The following GOLM2 variants were observed in gnomAD, a reference collection of about 807,000 sequenced individuals.
The protein encoded by GOLM2 is golgi membrane protein 2, also known as protein GOLM2.
In GOLM2, 26 loss-of-function variants were observed where a neutral mutation model predicts 55.9. The ratio of observed to expected loss-of-function variants is 0.47; its 90% CI spans 0.34 to 0.65. The LOEUF (loss-of-function observed/expected upper bound fraction) is 0.65. GOLM2 is among the 30% of genes least tolerant of loss of function. GOLM2 has a pLI of 0.01. For missense variants in GOLM2, 486 were observed against 531.8 expected (o/e 0.91, Z 0.85); for synonymous variants, 165 against 194.6 (o/e 0.85, Z 1.27).
intron 6 of GOLM2, among the ~76,000 whole-genome samples, chr15:44,363,691 G>T (rs1396036937): frequency 6.6e-6 from 1 of 151,948 alleles, no homozygotes; most frequent in Non-Finnish European, 1.5e-5. Context: ...TCCCATTACT[G>T]GGTATATACC....
rs546794244 is a variant in GOLM2, at chr15:44,371,099, C to T, written c.803-8591C>T. 1.5e-4 allele frequency among the ~76,000 whole-genome samples: 23 copies of T among 152,300 alleles called. No homozygotes were observed. In the East Asian group the frequency reaches 3.5e-3, roughly 23 times the overall value. On this transcript the variant is annotated intron_variant, in intron 6 of 9. Coordinates refer to ENST00000299957, the MANE Select transcript of GOLM2 (RefSeq NM_138423.4). Reference sequence around the variant, plus strand: ...AATCCCCATATAGATTTCTGCTCTCCGTTTCATCCCCCACAGGTTCCTCCT... The same window carrying T: ...AATCCCCATATAGATTTCTGCTCTCTGTTTCATCCCCCACAGGTTCCTCCT...
intron 6 of GOLM2, among the ~76,000 whole-genome samples, chr15:44,366,329 C>G (rs1018587381): frequency 8.0e-5 from 12 of 149,738 alleles, no homozygotes; most frequent in African/African-American, 2.5e-4. Context: ...ACAAACAAAC[C>G]ACAAAACTGC....
At chr15:44,381,093 A>G (rs1421391780) in intron 8 of GOLM2, 117 bp downstream of exon 8, 1 of 586,106 alleles carries the variant, frequency 1.7e-6, no homozygotes, top group Non-Finnish European at 2.6e-6. Flanking sequence ...ATATTTAAAG[A>G]GAAGGTATGA....
intron 6 of GOLM2, among the ~76,000 whole-genome samples, chr15:44,350,556 A>G (rs968213601): frequency 6.6e-6 from 1 of 152,194 alleles, no homozygotes; most frequent in African/African-American, 2.4e-5. Flanking sequence ...AAGAAAAACT[A>G]AAACCAATCC....
chr15:44,375,757 A>G (rs1381959071), intron 6 of GOLM2, among the ~76,000 whole-genome samples: 1 of 152,104 alleles, frequency 6.6e-6, no homozygotes, highest in African/African-American at 2.4e-5. Context: ...CTCCAGCCTG[A>G]GTAACACAGC....
intron 6 of GOLM2, among the ~76,000 whole-genome samples, chr15:44,358,240 G>C (rs1279971669): frequency 6.6e-6 from 1 of 152,190 alleles, no homozygotes; most frequent in Admixed American, 6.5e-5. Flanking sequence ...CGTAATCCCA[G>C]CTACTCAGAA....
At chr15:44,410,204 C>G (rs1475509726) in intron 9 of GOLM2, among the ~76,000 whole-genome samples, 1 of 151,884 alleles carries the variant, frequency 6.6e-6, no homozygotes, top group African/African-American at 2.4e-5. Flanking sequence ...TTTGGGAGGC[C>G]GAGGCGGGCG....
chr15:44,347,131 A>AAG lies in GOLM2; in HGVS notation c.802+8835_802+8836dup, dbSNP rs150767007. 3.8e-3 allele frequency among the ~76,000 whole-genome samples: 571 copies of AAG among 149,504 alleles called. 1 individual carries two copies. Among genetic ancestry groups the AAG allele is most frequent in the African/African-American group, 7.6e-3 (310 of 40,966 alleles). ...AGAGAGAGACCCTGTCTAAACAAAA[A>AAG]AGAGAGAGAGAGAGAGAGAGAGGAG... On this transcript the variant is annotated intron_variant, in intron 6 of 9. Coordinates refer to ENST00000299957, the MANE Select transcript of GOLM2 (RefSeq NM_138423.4).
At chr15:44,406,328 T>G (rs2079597096) in intron 9 of GOLM2, 1 of 151,914 alleles carries the variant, frequency 6.6e-6, no homozygotes, top group Non-Finnish European at 1.5e-5. Context: ...GGCAGACGTG[T>G]GGTAAGCCGA....
intron 8 of GOLM2, among the ~76,000 whole-genome samples, chr15:44,398,976 A>G (rs1393577173): frequency 1.3e-5 from 2 of 151,980 alleles, no homozygotes; most frequent in Non-Finnish European, 2.9e-5. Context: ...CCCCGTAATT[A>G]TCTGTAATTT....
rs868828425 is a variant in GOLM2, at chr15:44,330,201, G to T, written c.485+1414G>T. 1.0e-3 allele frequency among the ~76,000 whole-genome samples: 110 copies of T among 105,196 alleles called. No homozygotes were observed. In the South Asian group the frequency reaches 0.016, roughly 15 times the overall value. The allele number at this position is 105,196 out of a possible 152,430, so 69.0% of individuals were successfully genotyped here. On this transcript the variant is annotated intron_variant, in intron 3 of 9. Transcript: ENST00000299957. The stretch of plus-strand genomic sequence containing the variant: ...CTGGGATTACAGGTGTGAAGAACTT[G>T]TCTCTTTAAAAAAAAAAAAAAAAAA...
At chr15:44,291,940 T>C (rs910427080) in intron 1 of GOLM2, among the ~76,000 whole-genome samples, 2 of 152,150 alleles carry the variant, frequency 1.3e-5, no homozygotes, top group African/African-American at 2.4e-5. Flanking sequence ...AGAAATCCAT[T>C]AATAAAGAAG....
chr15:44,319,906 A>G (rs566877556), intron 1 of GOLM2, among the ~76,000 whole-genome samples: 75 of 152,284 alleles, frequency 4.9e-4, no homozygotes, highest in South Asian at 8.3e-4. Context: ...TTTGTTTTAC[A>G]TTTTAAAAAT....
intron 8 of GOLM2, 169 bp from the exon 9 acceptor site, chr15:44,402,718 C>T (rs2079573467): frequency 2.0e-6 from 1 of 490,950 alleles, no homozygotes; most frequent in Admixed American, 3.4e-5. Context: ...TCAGAGTCTT[C>T]CCTCTTATAT....
intron 1 of GOLM2, among the ~76,000 whole-genome samples, chr15:44,314,426 G>T (rs2078895120): frequency 2.0e-5 from 3 of 151,834 alleles, no homozygotes; most frequent in Admixed American, 1.3e-4. Flanking sequence ...GGGCATGGTG[G>T]TGTATGCCTG....
chr15:44,342,599 G>A (rs528324197), intron 6 of GOLM2, among the ~76,000 whole-genome samples: 1 of 152,266 alleles, frequency 6.6e-6, no homozygotes, highest in African/African-American at 2.4e-5. Context: ...TAAACTATTG[G>A]TGCTTTGCTT....
At chr15:44,310,654 A>G (rs187708572) in intron 1 of GOLM2, among the ~76,000 whole-genome samples, 360 of 151,886 alleles carry the variant, frequency 2.4e-3, no homozygotes, top group Non-Finnish European at 3.3e-3. Flanking sequence ...GCAGTGAGCT[A>G]TGATTGTGCC....
chr15:44,300,826 G>A (rs2078792614), intron 1 of GOLM2, among the ~76,000 whole-genome samples: 1 of 152,154 alleles, frequency 6.6e-6, no homozygotes, highest in Non-Finnish European at 1.5e-5. Context: ...AGTAATTTCA[G>A]TTTCTCACAG....
chr15:44,313,896 G>T (rs1319831134), intron 1 of GOLM2, among the ~76,000 whole-genome samples: 1 of 152,096 alleles, frequency 6.6e-6, no homozygotes, highest in Non-Finnish European at 1.5e-5. Flanking sequence ...ACTTTGTGCT[G>T]TTCATTATAG....
Sources: gnomAD v4.1 joint callset for allele counts (sites outside exome capture counted in the v4.1 genomes callset) on GRCh38, gnomAD v4.1.1 for gene constraint, MANE v1.5 for transcripts, NCBI Gene and HGNC (gene_info 2026-07-23, HGNC 2026-07-21) for gene names.